Variants in TCF12 observed in about 807,000 individuals in gnomAD.
The protein encoded by TCF12 is transcription factor 12.
In TCF12, 45 loss-of-function variants were observed where a neutral mutation model predicts 86.0. The ratio of observed to expected loss-of-function variants is 0.52; its 90% CI spans 0.41 to 0.67. TCF12 has a LOEUF of 0.67. Among genes scored for constraint, TCF12 ranks in the 30% least tolerant of loss-of-function variants. The pLI, the probability that TCF12 is intolerant of heterozygous loss-of-function variation, is 0.00. For missense variants in TCF12, 881 were observed against 859.9 expected, an observed-to-expected ratio of 1.02 and a Z score of -0.31; for synonymous variants, 330 against 299.6, an observed-to-expected ratio of 1.10 and a Z score of -1.05.
intron 3 of TCF12, among the ~76,000 whole-genome samples, chr15:56,957,066 C>T (rs1849006206): frequency 6.6e-6 from 1 of 152,190 alleles, no homozygotes; most frequent in Admixed American, 6.5e-5. Context: ...TGCTCTCTGT[C>T]TGTTGTCCTC....
At chr15:56,928,671 A>G (rs769294901) in intron 3 of TCF12, among the ~76,000 whole-genome samples, 1 of 152,166 alleles carries the variant, frequency 6.6e-6, no homozygotes, top group Non-Finnish European at 1.5e-5. Context: ...TGTAGACTAT[A>G]CTTTGTAGAG....
chr15:57,127,345 C>A (rs753334699), intron 5 of TCF12, among the ~76,000 whole-genome samples: 1 of 151,998 alleles, frequency 6.6e-6, no homozygotes, highest in South Asian at 2.1e-4. Flanking sequence ...AAAACAATTA[C>A]AATATACAAG....
chr15:56,935,200 C>T (rs1278834731), intron 3 of TCF12, among the ~76,000 whole-genome samples: 2 of 152,164 alleles, frequency 1.3e-5, no homozygotes, highest in African/African-American at 2.4e-5. Flanking sequence ...CTTACTTGGT[C>T]TTCTTGCTGC....
chr15:57,028,946 C>T (rs564747196), intron 3 of TCF12, among the ~76,000 whole-genome samples: 27 of 152,054 alleles, frequency 1.8e-4, no homozygotes, highest in Non-Finnish European at 2.6e-4. Flanking sequence ...TACAGGTGTG[C>T]GCCACCATGC....
At chr15:57,232,636 T>A in intron 10 of TCF12, 76 bp from the exon 11 acceptor site, 1 of 1,499,018 alleles carries the variant, frequency 6.7e-7, no homozygotes. Flanking sequence ...CTTTTTGACC[T>A]GTTATCATAG....
chr15:57,012,669 T>G (rs558678014), intron 3 of TCF12, among the ~76,000 whole-genome samples: 2 of 152,290 alleles, frequency 1.3e-5, no homozygotes, highest in East Asian at 3.9e-4. Context: ...CATCCTCGAC[T>G]AAGTCCTCAG....
intron 3 of TCF12, among the ~76,000 whole-genome samples, chr15:56,930,144 G>A (rs1381878583): frequency 1.3e-5 from 2 of 152,164 alleles, no homozygotes; most frequent in Non-Finnish European, 2.9e-5. Context: ...TGCTGCTGTC[G>A]GCAAGAGTTG....
intron 5 of TCF12, among the ~76,000 whole-genome samples, chr15:57,095,484 C>T (rs559352087): frequency 6.6e-6 from 1 of 152,288 alleles, no homozygotes; most frequent in East Asian, 1.9e-4. Context: ...TAATAAACTA[C>T]TATTATCTTT....
intron 3 of TCF12, among the ~76,000 whole-genome samples, chr15:56,922,945 T>C (rs998429213): frequency 1.1e-4 from 16 of 152,102 alleles, no homozygotes; most frequent in African/African-American, 3.8e-4. Flanking sequence ...TTATTGACAT[T>C]TGAATAACCT....
chr15:57,137,211 T>C (rs2052612099), intron 5 of TCF12, among the ~76,000 whole-genome samples: 1 of 152,096 alleles, frequency 6.6e-6, no homozygotes, highest in South Asian at 2.1e-4. Flanking sequence ...CTCAATCTCC[T>C]GACCTCATGA....
At chr15:57,011,498 G>C (rs2064828589) in intron 3 of TCF12, among the ~76,000 whole-genome samples, 1 of 152,052 alleles carries the variant, frequency 6.6e-6, no homozygotes, top group Non-Finnish European at 1.5e-5. Context: ...TCTGTTCTTT[G>C]TAAATTCCTC....
At chr15:56,918,336 C>A (rs1015231843), upstream of TCF12, 2 of 445,260 alleles carry the variant, frequency 4.5e-6, no homozygotes, top group Admixed American at 4.8e-5. Context: ...ACCAGCAAGA[C>A]CAACGCGAGG....
intron 3 of TCF12, among the ~76,000 whole-genome samples, chr15:56,947,358 G>A (rs927665233): frequency 9.2e-5 from 14 of 152,080 alleles, no homozygotes; most frequent in African/African-American, 3.4e-4. Flanking sequence ...CTCCATGCAC[G>A]TTTCTGGAGA....
intron 8 of TCF12, among the ~76,000 whole-genome samples, chr15:57,220,673 A>C (rs569750789): frequency 1.3e-5 from 2 of 152,072 alleles, no homozygotes; most frequent in Non-Finnish European, 2.9e-5. Context: ...AAAAAAATCT[A>C]TAAGCCAGAG....
chr15:56,927,021 G>A (rs1460361339), intron 3 of TCF12, among the ~76,000 whole-genome samples: 2 of 152,106 alleles, frequency 1.3e-5, no homozygotes, highest in East Asian at 3.8e-4. Context: ...TGGTGTTAGT[G>A]TAGGGAATAG....
chr15:56,957,049 C>A (rs1004032596), intron 3 of TCF12, among the ~76,000 whole-genome samples: 2 of 152,078 alleles, frequency 1.3e-5, no homozygotes, highest in Non-Finnish European at 1.5e-5. Flanking sequence ...GTAGGTTTGC[C>A]CCCTCTTGCT....
At chr15:56,969,560 C>T (rs1416529094) in intron 3 of TCF12, among the ~76,000 whole-genome samples, 6 of 115,218 alleles carry the variant, frequency 5.2e-5, no homozygotes, top group East Asian at 2.6e-4. Context: ...TTTTTTGAGA[C>T]GAGATTTCAT....
chr15:57,001,959 G>A (rs186643081), intron 3 of TCF12, among the ~76,000 whole-genome samples: 1 of 152,296 alleles, frequency 6.6e-6, no homozygotes, highest in Admixed American at 6.5e-5. Flanking sequence ...GATTGAAGGA[G>A]AGCATGAAAC....
chr15:57,136,189 CT>C (rs2052506766), intron 5 of TCF12, among the ~76,000 whole-genome samples: 1 of 152,190 alleles, frequency 6.6e-6, no homozygotes, highest in African/African-American at 2.4e-5. Flanking sequence ...ATAAAGACAG[CT>C]ATCCCTTGCA....
Sources: allele counts gnomAD v4.1 joint callset (sites outside exome capture counted in the v4.1 genomes callset), GRCh38; gene constraint gnomAD v4.1.1; transcripts MANE v1.5; gene names NCBI Gene and HGNC (gene_info 2026-07-23, HGNC 2026-07-21).